LAMA1: variants seen among roughly 807,000 people sequenced by gnomAD.
The protein encoded by LAMA1 is laminin subunit alpha 1.
Under a neutral mutation model 348.7 loss-of-function variants are expected in LAMA1, and 219 were observed. The ratio of observed to expected loss-of-function variants is 0.63; its 90% CI spans 0.56 to 0.70. The LOEUF (loss-of-function observed/expected upper bound fraction) is 0.70, where lower values mean the gene tolerates loss of function less well. LAMA1 is among the 30% of genes least tolerant of loss of function. The pLI, the probability that LAMA1 is intolerant of heterozygous loss-of-function variation, is 0.00. For synonymous variants in LAMA1, 1,487 were observed against 1,491.0 expected (o/e 1.00, Z 0.06); for missense variants, 3,744 against 3,888.0 (o/e 0.96, Z 0.99).
At chr18:7,050,650 T>C (rs771242399) in intron 4 of LAMA1, 44 bp downstream of exon 4, 5 of 1,612,282 alleles carry the variant, frequency 3.1e-6, no homozygotes, top group Admixed American at 3.3e-5. Flanking sequence ...ACAGGGAGAC[T>C]CTGATGAGGA....
At chr18:6,969,641 C>T (rs2057649275) in intron 48 of LAMA1, among the ~76,000 whole-genome samples, 1 of 152,038 alleles carries the variant, frequency 6.6e-6, no homozygotes, top group Non-Finnish European at 1.5e-5. Flanking sequence ...TTAATCAGAC[C>T]CTAGTTTGGT....
At chr18:7,027,021 A>G (rs35964730) in intron 16 of LAMA1, among the ~76,000 whole-genome samples, 1 of 152,130 alleles carries the variant, frequency 6.6e-6, no homozygotes, top group Admixed American at 6.5e-5. Context: ...TCAAAATGCC[A>G]ATAGCATAAA....
chr18:7,045,209 A>G (rs1358784711), intron 6 of LAMA1, among the ~76,000 whole-genome samples: 2 of 152,212 alleles, frequency 1.3e-5, no homozygotes, highest in Admixed American at 6.5e-5. Flanking sequence ...AAAGAATTAC[A>G]AAGATTAGAA....
intron 18 of LAMA1, among the ~76,000 whole-genome samples, chr18:7,023,629 C>T (rs2057928592): frequency 6.6e-6 from 1 of 152,144 alleles, no homozygotes; most frequent in African/African-American, 2.4e-5. Flanking sequence ...CTGACCCACC[C>T]CTGACCACTC....
Position 7,024,481 on chromosome 18 carries a change from GA to G in LAMA1, c.2403-16del. ...TGGGGCTGAAACTGTCAAAACATTA[GA>G]AATGAACAAAATTTTCCAATGGATG... On this transcript the variant is annotated splice_polypyrimidine_tract_variant and intron_variant, in intron 17 of 62. Transcript: ENST00000389658. The G allele has an allele frequency of 3.1e-6, 5 of 1,607,778 alleles. No homozygotes were observed. Among genetic ancestry groups the G allele is most frequent in the Non-Finnish European group, 4.3e-6 (5 of 1,174,996 alleles).
chr18:7,026,079 G>A lies in LAMA1; in HGVS notation c.2302C>T (p.His768Tyr), dbSNP rs771864011. The A allele has an allele frequency of 6.2e-7, 1 of 1,611,408 alleles. No individual in the cohort carries two copies. The highest frequency in any genetic ancestry group is 8.5e-7 in the Non-Finnish European group (1 of 1,178,686). Residue 768 changes from histidine (H) to tyrosine (Y), a missense_variant, in exon 17 of 63, where the codon CAC (histidine) becomes TAC (tyrosine). Transcript: ENST00000389658. The stretch of plus-strand genomic sequence containing the variant: ...AAGCCGGGCAAGCACTGCTCACAGT[G>A]GACGCCGGTGGTGTTGTGCGCACAC... ...IACAHNTTGV[H>Y]CEQCLPGFYG...
At position 6,955,410 on chromosome 18, in the gene LAMA1, C is replaced by A; in HGVS notation, c.8150G>T (p.Gly2717Val). 8 of 1,614,082 alleles carry A rather than the reference C, an allele frequency of 5.0e-6. No individual in the cohort carries two copies. The highest frequency in any genetic ancestry group is 6.8e-6 in the Non-Finnish European group (8 of 1,180,020). The part of the protein sequence containing the change: ...LEYVPGAHQF[G>V]LTQNSHFILP... ...GATGAAATGGCTGTTTTGTGTGAGA[C>A]CAAACTGGTGAGCGCCGGGAACGTA... The change falls in exon 57 of 63, where the codon GGT (glycine) becomes GTT (valine). Residue 2717 changes from glycine (G) to valine (V), a missense_variant. By Grantham distance (109) the Gly-to-Val change is moderately radical. Around this residue, in one of 3 missense-constraint regions of LAMA1, gnomAD observed 1,983 missense variants for 1,934.3 expected, o/e 1.03. Transcript: ENST00000389658.
intron 11 of LAMA1, among the ~76,000 whole-genome samples, chr18:7,038,142 A>G (rs1410979117): frequency 2.0e-5 from 3 of 152,154 alleles, no homozygotes; most frequent in African/African-American, 7.2e-5. Flanking sequence ...AAAAATGTAC[A>G]AAGATAACCT....
chr18:7,067,679 T>C (rs546220028), intron 3 of LAMA1, among the ~76,000 whole-genome samples: 1 of 152,260 alleles, frequency 6.6e-6, no homozygotes, highest in South Asian at 2.1e-4. Flanking sequence ...ATGTCAATTA[T>C]GTCCCAATAA....
chr18:7,097,283 A>T lies in LAMA1; in HGVS notation c.62-16826T>A, dbSNP rs190584099. On this transcript the variant is annotated intron_variant, in intron 1 of 62. Transcript: ENST00000389658. ...AAAATACTTGAACAAAAAAAATAATAAAAAAAAAAGAATGAAAGAAATTCA... is the reference window on the plus strand; with the variant it reads ...AAAATACTTGAACAAAAAAAATAATTAAAAAAAAAGAATGAAAGAAATTCA... 9.6e-4 allele frequency among the ~76,000 whole-genome samples: 142 copies of T among 148,120 alleles called. 1 individual carries two copies. Among genetic ancestry groups the T allele is most frequent in the African/African-American group, 3.1e-3 (126 of 40,142 alleles).
intron 1 of LAMA1, among the ~76,000 whole-genome samples, chr18:7,104,898 C>T (rs893860167): frequency 6.6e-6 from 1 of 152,152 alleles, no homozygotes; most frequent in Non-Finnish European, 1.5e-5. Flanking sequence ...TGGCTCTGCT[C>T]GGTTGGGTTC....
Position 6,985,547 on chromosome 18 carries a change from C to A in LAMA1, c.5476G>T (p.Ala1826Ser). ...LIDAAAAQTD[A>S]VQDALEHLED... Reference sequence around the variant, plus strand: ...TTTACCTCTAGAGCATCTTGTACAGCATCTGTTTGTGCAGCAGCAGCATCT... The same window carrying A: ...TTTACCTCTAGAGCATCTTGTACAGAATCTGTTTGTGCAGCAGCAGCATCT... Residue 1826 changes from alanine to serine, a missense_variant, in exon 38 of 63, where the codon GCT becomes TCT. Transcript: ENST00000389658. 5 of 1,614,102 alleles carry A rather than the reference C, an allele frequency of 3.1e-6. No homozygotes were observed. The highest frequency in any genetic ancestry group is 3.4e-6 in the Non-Finnish European group (4 of 1,179,960).
chr18:7,007,847 G>C (rs897368853), intron 28 of LAMA1, among the ~76,000 whole-genome samples: 8 of 152,116 alleles, frequency 5.3e-5, no homozygotes, highest in African/African-American at 1.4e-4. Context: ...ACATGGATGA[G>C]CCTTGAGGAC....
At chr18:7,075,750 C>T (rs1310375816) in intron 3 of LAMA1, among the ~76,000 whole-genome samples, 1 of 152,036 alleles carries the variant, frequency 6.6e-6, no homozygotes, top group Non-Finnish European at 1.5e-5. Context: ...CCAGCCTGGG[C>T]AACATGATGA....
intron 7 of LAMA1, among the ~76,000 whole-genome samples, chr18:7,043,922 G>A (rs961391405): frequency 1.2e-4 from 18 of 152,144 alleles, no homozygotes; most frequent in Admixed American, 8.5e-4. Flanking sequence ...TTGGGAGGCC[G>A]AGGCGGGCGG....
intron 45 of LAMA1, among the ~76,000 whole-genome samples, chr18:6,975,401 T>C (rs1445361016): frequency 2.0e-5 from 3 of 152,186 alleles, no homozygotes; most frequent in African/African-American, 7.2e-5. Flanking sequence ...ATGTGAAATA[T>C]GCAGTAAGAC....
At chr18:7,044,638 A>G in intron 7 of LAMA1, 84 bp downstream of exon 7, 1 of 1,047,156 alleles carries the variant, frequency 9.5e-7, no homozygotes, top group Non-Finnish European at 1.5e-6. Context: ...TTACCTGCTA[A>G]CTATAAAAGT....
In LAMA1 at chr18:7,012,017, A is replaced by G; in HGVS notation, c.3485T>C (p.Leu1162Pro). The G allele has an allele frequency of 6.2e-7, 1 of 1,609,258 alleles. No individual in the cohort carries two copies. Among genetic ancestry groups the G allele is most frequent in the Non-Finnish European group, 8.5e-7 (1 of 1,177,578 alleles). ...CSGLSHLCSE[L>P]EDYVRTPVTL... ...TACTGGGGTCCTCACGTAGTCCTCC[A>G]GCTCTGAGCAGAGGTGGGACAGCCC... The change falls in exon 24 of 63, where the codon CTG becomes CCG. Residue 1162 changes from leucine (L) to proline (P), a missense_variant. Physicochemically the swap from Leu to Pro is moderately conservative, Grantham distance 98. This residue lies in a region of LAMA1 where 1,529 missense variants were observed against 1,689.4 expected (regional missense o/e 0.91). Coordinates refer to ENST00000389658, the MANE Select transcript of LAMA1 (RefSeq NM_005559.4).
chr18:6,992,032 C>T (rs977957580), intron 36 of LAMA1, among the ~76,000 whole-genome samples: 1 of 152,102 alleles, frequency 6.6e-6, no homozygotes, highest in African/African-American at 2.4e-5. Context: ...TGTGGAAATG[C>T]TAAGATAAAA....
Sources: gnomAD v4.1 joint callset for allele counts (sites outside exome capture counted in the v4.1 genomes callset) on GRCh38, gnomAD v4.1.1 for gene constraint, gnomAD v4.1.1 regional missense constraint, MANE v1.5 for transcripts, NCBI Gene and HGNC (gene_info 2026-07-23, HGNC 2026-07-21) for gene names.